Variants in FAR1 observed in about 807,000 individuals in gnomAD.
FAR1 encodes the protein fatty acyl-CoA reductase 1, also known as male sterility domain-containing protein 2.
FAR1 carries 22 observed loss-of-function variants against 61.1 expected under a neutral mutation model. The ratio of observed to expected loss-of-function variants is 0.36; its 90% CI spans 0.26 to 0.51. The LOEUF is 0.51. Ranked by LOEUF, FAR1 falls within the 20% of genes least tolerant of loss-of-function variation. FAR1 has a pLI of 0.95. For missense variants in FAR1, 359 were observed against 626.9 expected (o/e 0.57, Z 4.56); for synonymous variants, 206 against 209.7 (o/e 0.98, Z 0.15).
chr11:13,722,874 A>ATG, intron 10 of FAR1, among the ~76,000 whole-genome samples: 1 of 151,004 alleles, frequency 6.6e-6, no homozygotes, highest in South Asian at 2.1e-4. Context: ...ATATATATAT[A>ATG]TATAAAATAT....
At chr11:13,677,050 A>G (rs1848075609) in intron 1 of FAR1, among the ~76,000 whole-genome samples, 2 of 152,168 alleles carry the variant, frequency 1.3e-5, no homozygotes, top group Non-Finnish European at 2.9e-5. Flanking sequence ...GATTTTTGGT[A>G]AGTCTATTGT....
intron 1 of FAR1, chr11:13,669,636 C>T (rs1022152713): frequency 1.3e-5 from 2 of 152,092 alleles, no homozygotes; most frequent in Non-Finnish European, 2.9e-5. Flanking sequence ...AGTGGAGGGT[C>T]TCAGGTAGTG....
At chr11:13,684,933 C>T (rs550129212) in intron 1 of FAR1, among the ~76,000 whole-genome samples, 5 of 152,262 alleles carry the variant, frequency 3.3e-5, no homozygotes, top group South Asian at 4.1e-4. Flanking sequence ...TTAAGCAAGA[C>T]CGCAAATCTT....
intron 6 of FAR1, 37 bp from the exon 7 acceptor site, chr11:13,711,891 T>G (rs1848503079): frequency 1.3e-6 from 2 of 1,574,016 alleles, no homozygotes; most frequent in Non-Finnish European, 1.7e-6. Flanking sequence ...CACTATGGCT[T>G]ATATATCTTA....
intron 1 of FAR1, among the ~76,000 whole-genome samples, chr11:13,678,935 A>C (rs1164225686): frequency 1.3e-5 from 2 of 152,214 alleles, no homozygotes; most frequent in East Asian, 1.9e-4. Flanking sequence ...AAAATACAGC[A>C]TATATATGAA....
chr11:13,719,964 T>A (rs1312768732), intron 9 of FAR1: 2 of 152,214 alleles, frequency 1.3e-5, no homozygotes, highest in African/African-American at 2.4e-5. Context: ...GTCATAAACA[T>A]CTGTTCTAAG....
intron 1 of FAR1, among the ~76,000 whole-genome samples, chr11:13,692,946 G>A (rs1446779432): frequency 2.0e-5 from 3 of 152,022 alleles, no homozygotes; most frequent in Non-Finnish European, 4.4e-5. Flanking sequence ...CTGGTGATCC[G>A]TGGTTATCTG....
At chr11:13,672,049 A>G (rs116224366) in intron 1 of FAR1, among the ~76,000 whole-genome samples, 60 of 152,344 alleles carry the variant, frequency 3.9e-4, no homozygotes, top group African/African-American at 1.4e-3. Flanking sequence ...ACTCAGAACG[A>G]TTGAGAAGAA....
intron 1 of FAR1, among the ~76,000 whole-genome samples, chr11:13,676,649 A>C (rs1848072239): frequency 6.6e-6 from 1 of 152,164 alleles, no homozygotes; most frequent in South Asian, 2.1e-4. Flanking sequence ...AAACTTGTGG[A>C]TTGTAATTAA....
chr11:13,680,850 G>A (rs1010904196), intron 1 of FAR1, among the ~76,000 whole-genome samples: 1 of 152,134 alleles, frequency 6.6e-6, no homozygotes, highest in Non-Finnish European at 1.5e-5. Flanking sequence ...AACCATAGCA[G>A]TCTTAATCAA....
At chr11:13,677,851 C>T (rs1354755824) in intron 1 of FAR1, among the ~76,000 whole-genome samples, 1 of 152,150 alleles carries the variant, frequency 6.6e-6, no homozygotes, top group Admixed American at 6.5e-5. Context: ...ATATGCTTGT[C>T]ATAAAGTCTA....
intron 10 of FAR1, chr11:13,723,362 C>CAAAAA (rs71313446): frequency 9.8e-4 from 255 of 259,682 alleles, no homozygotes; most frequent in East Asian, 1.6e-3. Context: ...GAGAGTCTCT[C>CAAAAA]AAAAAAAAAA....
intron 5 of FAR1, chr11:13,711,157 CAA>C (rs1848494712): frequency 5.6e-6 from 2 of 356,240 alleles, no homozygotes; most frequent in African/African-American, 4.4e-5. Context: ...TTCTTAGTAG[CAA>C]AAAGAGGCAG....
intron 2 of FAR1, among the ~76,000 whole-genome samples, chr11:13,695,878 GTTTTA>G (rs1848302139): frequency 6.6e-6 from 1 of 151,992 alleles, no homozygotes; most frequent in South Asian, 2.1e-4. Context: ...CATTATGTTG[GTTTTA>G]TTTTTTAATG....
chr11:13,700,913 A>G (rs1458411527), intron 3 of FAR1, among the ~76,000 whole-genome samples: 1 of 151,936 alleles, frequency 6.6e-6, no homozygotes, highest in African/African-American at 2.4e-5. Flanking sequence ...TTGGTTATAA[A>G]TTTAAATCAC....
chr11:13,700,025 CA>C (rs1294938989), intron 2 of FAR1, among the ~76,000 whole-genome samples: 1 of 152,042 alleles, frequency 6.6e-6, no homozygotes, highest in Admixed American at 6.6e-5. Context: ...TCTAATCAGC[CA>C]AGGCATGGAC....
intron 4 of FAR1, 95 bp downstream of exon 4, chr11:13,708,174 C>A: frequency 1.2e-6 from 1 of 802,502 alleles, no homozygotes; most frequent in Non-Finnish European, 1.8e-6. Flanking sequence ...GCAGCCAGGC[C>A]AACATAGTGA....
In FAR1 at chr11:13,711,880, A is replaced by G. The variant is rs1341639822; in HGVS notation, c.769-48A>G. ...TTTTTGTATATCTTTAAATATATATACACTATGGCTTATATATCTTAAGGT... is the reference window on the plus strand; with the variant it reads ...TTTTTGTATATCTTTAAATATATATGCACTATGGCTTATATATCTTAAGGT... On this transcript the variant is annotated intron_variant, in intron 6 of 11. Coordinates refer to ENST00000354817, the MANE Select transcript of FAR1 (RefSeq NM_032228.6). 3 of 1,554,932 alleles carry G rather than the reference A, an allele frequency of 1.9e-6. No individual in the cohort carries two copies. In the Admixed American group the frequency reaches 5.0e-5, roughly 26 times the overall value.
chr11:13,714,496 T>C lies in FAR1; in HGVS notation c.956-13T>C, dbSNP rs1848534092. 6.3e-7 allele frequency: 1 copy of C among 1,598,364 alleles called. No homozygotes were observed. The highest frequency in any genetic ancestry group is 2.3e-5 in the East Asian group (1 of 44,400). On this transcript the variant is annotated splice_polypyrimidine_tract_variant and intron_variant, in intron 8 of 11. Coordinates refer to ENST00000354817, the MANE Select transcript of FAR1 (RefSeq NM_032228.6). Reference sequence around the variant, plus strand: ...GTTATTATCAAAGCTGTTACACAACTTTTCTTCTTCAGAGTACCATGTAAT... The same window carrying C: ...GTTATTATCAAAGCTGTTACACAACCTTTCTTCTTCAGAGTACCATGTAAT...
Sources: allele counts gnomAD v4.1 joint callset (sites outside exome capture counted in the v4.1 genomes callset), GRCh38; gene constraint gnomAD v4.1.1; transcripts MANE v1.5; gene names NCBI Gene and HGNC (gene_info 2026-07-23, HGNC 2026-07-21).